Variants in PLCL1 observed in about 807,000 individuals in gnomAD.
PLCL1 encodes phospholipase C like 1 (inactive).
A neutral mutation model predicts 84.4 loss-of-function variants in PLCL1; 41 were observed. The ratio of observed to expected loss-of-function variants is 0.49; its 90% CI spans 0.38 to 0.63. PLCL1 has a LOEUF of 0.63. Ranked by LOEUF, PLCL1 falls within the 30% of genes least tolerant of loss-of-function variation. The pLI is 0.00. For synonymous variants in PLCL1, 490 were observed against 488.3 expected (o/e 1.00, Z -0.05); for missense variants, 1,206 against 1,367.8 (o/e 0.88, Z 1.87).
intron 5 of PLCL1, among the ~76,000 whole-genome samples, chr2:198,136,683 G>A (rs1412454067): frequency 6.6e-6 from 1 of 151,978 alleles, no homozygotes; most frequent in African/African-American, 2.4e-5. Flanking sequence ...TCAGTACAGG[G>A]GCCCTGAGAA....
At chr2:197,947,237 A>ATAT (rs1689294732) in intron 1 of PLCL1, among the ~76,000 whole-genome samples, 4 of 142,750 alleles carry the variant, frequency 2.8e-5, no homozygotes, top group Non-Finnish European at 6.1e-5. Context: ...TGCTTAGATA[A>ATAT]ATATATATAT....
chr2:198,001,690 G>T (rs951059396), intron 1 of PLCL1, among the ~76,000 whole-genome samples: 5 of 151,974 alleles, frequency 3.3e-5, no homozygotes, highest in Admixed American at 3.3e-4. Context: ...ACCCCGGTAC[G>T]GTCTGTGGCT....
chr2:198,113,583 G>A (rs532084334), intron 5 of PLCL1, among the ~76,000 whole-genome samples: 9 of 152,004 alleles, frequency 5.9e-5, no homozygotes, highest in East Asian at 2.0e-4. Context: ...AGTATTCCAC[G>A]AGGAAATACC....
intron 5 of PLCL1, among the ~76,000 whole-genome samples, chr2:198,104,278 G>A (rs1268777227): frequency 1.3e-5 from 2 of 151,932 alleles, no homozygotes; most frequent in East Asian, 1.9e-4. Flanking sequence ...ACTTATAAGT[G>A]AGAATATATA....
intron 1 of PLCL1, among the ~76,000 whole-genome samples, chr2:198,017,851 T>C (rs1339383594): frequency 6.6e-6 from 1 of 152,228 alleles, no homozygotes; most frequent in East Asian, 1.9e-4. Context: ...TAAGTATATA[T>C]TATATACTGT....
chr2:198,101,199 C>A (rs998798538), intron 3 of PLCL1, 86 bp from the exon 4 acceptor site: 1 of 776,642 alleles, frequency 1.3e-6, no homozygotes, highest in East Asian at 2.5e-5. Flanking sequence ...CTGGAGGTAT[C>A]ATGTGGGTCT....
intron 1 of PLCL1, among the ~76,000 whole-genome samples, chr2:198,061,182 G>A (rs572248835): frequency 2.6e-5 from 4 of 152,312 alleles, no homozygotes; most frequent in African/African-American, 9.6e-5. Flanking sequence ...GGGAGTGAAA[G>A]TAATGATTAC....
intron 5 of PLCL1, among the ~76,000 whole-genome samples, chr2:198,104,285 T>C (rs1023077322): frequency 6.6e-6 from 1 of 152,038 alleles, no homozygotes; most frequent in Admixed American, 6.6e-5. Context: ...AGTGAGAATA[T>C]ATAGTATTTG....
At chr2:197,977,844 A>C (rs1194521432) in intron 1 of PLCL1, among the ~76,000 whole-genome samples, 2 of 152,194 alleles carry the variant, frequency 1.3e-5, no homozygotes, top group East Asian at 3.9e-4. Flanking sequence ...GCCAATCAAA[A>C]TGGAAATCCC....
At chr2:197,928,698 G>T (rs1031100789) in intron 1 of PLCL1, among the ~76,000 whole-genome samples, 4 of 152,154 alleles carry the variant, frequency 2.6e-5, no homozygotes, top group Admixed American at 2.6e-4. Context: ...TTTTAAAAAG[G>T]TGTTAAATCA....
chr2:198,089,038 A>C lies in PLCL1; in HGVS notation c.2896A>C (p.Lys966Gln). ...GGGTGCAATTCCAGATGTGCAGAAA[A>C]AGATGCTGACTGCTTATGATCTGGT... Reference protein sequence around the residue: ...PLGAIPDVQKKMLTAYDLMIQ... With the variant: ...PLGAIPDVQKQMLTAYDLMIQ... Residue 966 changes from lysine to glutamine, a missense_variant, in exon 3 of 6, where the codon AAG (lysine) becomes CAG (glutamine). Coordinates refer to ENST00000428675, the MANE Select transcript of PLCL1 (RefSeq NM_006226.4). The C allele has an allele frequency of 6.2e-7, 1 of 1,613,916 alleles. No homozygotes were observed. Among genetic ancestry groups the C allele is most frequent in the Middle Eastern group, 1.7e-4 (1 of 6,058 alleles).
At chr2:197,960,314 G>A (rs1332738706) in intron 1 of PLCL1, among the ~76,000 whole-genome samples, 1 of 152,062 alleles carries the variant, frequency 6.6e-6, no homozygotes, top group Non-Finnish European at 1.5e-5. Flanking sequence ...AGTTCATGAA[G>A]CAATTTCAAA....
chr2:198,005,186 G>A (rs1209725838), intron 1 of PLCL1, among the ~76,000 whole-genome samples: 1 of 152,124 alleles, frequency 6.6e-6, no homozygotes, highest in Non-Finnish European at 1.5e-5. Context: ...TGTTAACTTA[G>A]AACTTCACTT....
intron 5 of PLCL1, among the ~76,000 whole-genome samples, chr2:198,139,349 A>G (rs959624576): frequency 6.6e-6 from 1 of 151,988 alleles, no homozygotes; most frequent in Non-Finnish European, 1.5e-5. Flanking sequence ...TATTGCCATT[A>G]TTTGTTTTCA....
intron 1 of PLCL1, among the ~76,000 whole-genome samples, chr2:197,963,432 T>C (rs772191632): frequency 1.9e-4 from 29 of 152,088 alleles, no homozygotes; most frequent in Admixed American, 1.8e-3. Context: ...AAAGTCAGAT[T>C]GTTAGATTTT....
At chr2:198,015,933 T>C (rs1474272185) in intron 1 of PLCL1, among the ~76,000 whole-genome samples, 4 of 152,192 alleles carry the variant, frequency 2.6e-5, no homozygotes, top group Admixed American at 2.6e-4. Flanking sequence ...AGGTAAACTT[T>C]TTTTACAACT....
chr2:198,035,805 C>T (rs1468713396), intron 1 of PLCL1, among the ~76,000 whole-genome samples: 11 of 152,122 alleles, frequency 7.2e-5, no homozygotes, highest in South Asian at 2.1e-4. Flanking sequence ...GAGGCCAAGG[C>T]GGGCAGATCA....
At chr2:198,093,834 G>A (rs1288238993) in intron 3 of PLCL1, among the ~76,000 whole-genome samples, 1 of 152,040 alleles carries the variant, frequency 6.6e-6, no homozygotes, top group East Asian at 1.9e-4. Context: ...GCAAACTTGA[G>A]TGCATCAAAT....
chr2:197,828,558 G>A (rs1690983152), intron 1 of PLCL1, among the ~76,000 whole-genome samples: 1 of 152,004 alleles, frequency 6.6e-6, no homozygotes, highest in African/African-American at 2.4e-5. Flanking sequence ...ATTCAATAAT[G>A]CTAATTTTGA....
Sources: gnomAD v4.1 joint callset for allele counts (sites outside exome capture counted in the v4.1 genomes callset) on GRCh38, gnomAD v4.1.1 for gene constraint, MANE v1.5 for transcripts, NCBI Gene and HGNC (gene_info 2026-07-23, HGNC 2026-07-21) for gene names.